EREG: variants seen among roughly 807,000 people sequenced by gnomAD.
The protein encoded by EREG is proepiregulin.
In EREG, 23 loss-of-function variants were observed where a neutral mutation model predicts 22.4. That is an observed-to-expected ratio of 1.03 (90% confidence interval 0.74 to 1.46). The LOEUF is 1.46. EREG is among the 40% of genes most tolerant of loss of function. EREG has a pLI of 0.00. For synonymous variants in EREG, 100 were observed against 75.4 expected, an observed-to-expected ratio of 1.33 and a Z score of -1.69; for missense variants, 226 against 205.9, an observed-to-expected ratio of 1.10 and a Z score of -0.60.
rs569471764 is a variant in EREG at position 74,388,571 on chromosome 4, G to T, written c.*3763G>T. The T allele has an allele frequency of 6.6e-6, 1 of 152,302 alleles. No individual in the cohort carries two copies. The highest frequency in any genetic ancestry group is 2.4e-5 in the African/African-American group (1 of 41,334). 9.4% of individuals were successfully genotyped at this position (152,302 alleles called of 1,614,324 possible). ...AACTTATTTGACTATGAATGTTATCGGATTACTGAATTGTATCAATTTGTT... is the reference window on the plus strand; with the variant it reads ...AACTTATTTGACTATGAATGTTATCTGATTACTGAATTGTATCAATTTGTT... On this transcript the variant is annotated 3_prime_UTR_variant, in exon 5 of 5. Transcript: ENST00000244869.
In EREG at chr4:74,385,658, T is replaced by C; in HGVS notation, c.*850T>C. The C allele has an allele frequency of 2.8e-6, 1 of 353,946 alleles. No individual in the cohort carries two copies. Among genetic ancestry groups the C allele is most frequent in the African/African-American group, 2.1e-5 (1 of 47,942 alleles). 21.9% of individuals were successfully genotyped at this position (353,946 alleles called of 1,614,324 possible). A position where few individuals can be genotyped will look rare whatever the true frequency, so the allele number is the denominator to read the frequency against. ...ACTTGAAGCCTAAATTTGTGCTTTT[T>C]AAGAATATTTTTAGACTATTTCTTT... On this transcript the variant is annotated 3_prime_UTR_variant, in exon 5 of 5. Coordinates refer to ENST00000244869, the MANE Select transcript of EREG (RefSeq NM_001432.3).
intron 1 of EREG, among the ~76,000 whole-genome samples, chr4:74,377,173 A>C (rs990092475): frequency 6.6e-6 from 1 of 150,788 alleles, no homozygotes; most frequent in Non-Finnish European, 1.5e-5. Context: ...AAAAAAAAAA[A>C]AACATTAGTT....
At chr4:74,367,945 G>T (rs556972185) in intron 1 of EREG, among the ~76,000 whole-genome samples, 1 of 152,296 alleles carries the variant, frequency 6.6e-6, no homozygotes, top group Admixed American at 6.5e-5. Flanking sequence ...TGTGTATTAG[G>T]TGCTTTAAAT....
At position 74,386,124 on chromosome 4, in the gene EREG, T is replaced by C; in HGVS notation, c.*1316T>C. 1 of 280,346 alleles carries C rather than the reference T, an allele frequency of 3.6e-6. No individual in the cohort carries two copies. Among genetic ancestry groups the C allele is most frequent in the Non-Finnish European group, 6.6e-6 (1 of 151,892 alleles). The allele number at this position is 280,346 out of a possible 1,614,324, so 17.4% of individuals were successfully genotyped here. A position where few individuals can be genotyped will look rare whatever the true frequency, so the allele number is the denominator to read the frequency against. Reference sequence around the variant, plus strand: ...TCTCAGAGAGTTAATAGGAGTATTTTTGGGCTATTGCATAAGGAGCCACTG... The same window carrying C: ...TCTCAGAGAGTTAATAGGAGTATTTCTGGGCTATTGCATAAGGAGCCACTG... On this transcript the variant is annotated 3_prime_UTR_variant, in exon 5 of 5. Coordinates refer to ENST00000244869, the MANE Select transcript of EREG (RefSeq NM_001432.3).
chr4:74,382,911 A>G (rs1390340428), intron 4 of EREG, 117 bp downstream of exon 4: 1 of 744,264 alleles, frequency 1.3e-6, no homozygotes, highest in African/African-American at 1.8e-5. Flanking sequence ...ACCTGTACAA[A>G]TGATATTTAC....
chr4:74,368,718 G>A (rs965022052), intron 1 of EREG, among the ~76,000 whole-genome samples: 8 of 152,192 alleles, frequency 5.3e-5, no homozygotes, highest in African/African-American at 1.9e-4. Flanking sequence ...AAATTAAGGT[G>A]GGGTTTCCTC....
In EREG at chr4:74,379,470, C is replaced by A; in HGVS notation, c.90C>A (p.Val30=). ...TAGGTTTCCATCTTCTACAGGCAGT[C>A]CTCAGTACAACTGTGATTCCATCAT... ...LCLGFHLLQA[V]LSTTVIPSCI... Residue 30 remains valine, a synonymous_variant, in exon 2 of 5, where the codon GTC becomes GTA. Transcript: ENST00000244869. 6.2e-7 allele frequency: 1 copy of A among 1,609,490 alleles called. No individual in the cohort carries two copies. The highest frequency in any genetic ancestry group is 1.3e-5 in the African/African-American group (1 of 74,940).
chr4:74,366,209 G>A (rs1404907695), intron 1 of EREG, among the ~76,000 whole-genome samples: 2 of 151,970 alleles, frequency 1.3e-5, no homozygotes, highest in Non-Finnish European at 2.9e-5. Flanking sequence ...TTAAACTTCA[G>A]TTTAAGGAAT....
chr4:74,380,007 G>A (rs1752447747), intron 2 of EREG, among the ~76,000 whole-genome samples: 1 of 152,138 alleles, frequency 6.6e-6, no homozygotes, highest in African/African-American at 2.4e-5. Flanking sequence ...CGAGTATGTA[G>A]TATGCACCAA....
intron 1 of EREG, among the ~76,000 whole-genome samples, chr4:74,368,617 T>C (rs757034089): frequency 1.5e-4 from 23 of 152,244 alleles, no homozygotes; most frequent in Admixed American, 3.3e-4. Context: ...ATGTTTTCTG[T>C]CTATTTTTGC....
intron 3 of EREG, 188 bp downstream of exon 3, chr4:74,381,325 C>T: frequency 2.0e-6 from 1 of 512,166 alleles, no homozygotes; most frequent in Non-Finnish European, 3.4e-6. Flanking sequence ...CCCCAAAACT[C>T]TTCTACCTTT....
intron 1 of EREG, 90 bp downstream of exon 1, chr4:74,365,465 T>C (rs901873121): frequency 8.2e-7 from 1 of 1,214,836 alleles, no homozygotes; most frequent in Non-Finnish European, 1.2e-6. Context: ...AAGTACGGAG[T>C]TGTCTCCAGG....
At position 74,385,741 on chromosome 4, in the gene EREG, A is replaced by T; in HGVS notation, c.*933A>T. On this transcript the variant is annotated 3_prime_UTR_variant, in exon 5 of 5. Transcript: ENST00000244869. ...TCACAGCCCAAAATTTGATGGACTA[A>T]TTATTATTTTAAAATATATGAAGAC... 2.6e-6 allele frequency: 1 copy of T among 380,296 alleles called. No individual in the cohort carries two copies. The highest frequency in any genetic ancestry group is 4.7e-6 in the Non-Finnish European group (1 of 214,162). 23.6% of individuals were successfully genotyped at this position (380,296 alleles called of 1,614,324 possible).
chr4:74,373,327 CTT>C (rs1451064671), intron 1 of EREG, among the ~76,000 whole-genome samples: 1 of 151,944 alleles, frequency 6.6e-6, no homozygotes, highest in Non-Finnish European at 1.5e-5. Flanking sequence ...GAAAGTATAA[CTT>C]AATGCTTATG....
At position 74,381,147 on chromosome 4, in the gene EREG, C is replaced by A; in HGVS notation, c.278+10C>A. On this transcript the variant is annotated intron_variant, in intron 3 of 4. Transcript: ENST00000244869. ...GTCAAAACTACTGCAGGTAATATGTCAGAAATAAACAAACACAGTTTGTAA... is the reference window on the plus strand; with the variant it reads ...GTCAAAACTACTGCAGGTAATATGTAAGAAATAAACAAACACAGTTTGTAA... 1 of 1,603,802 alleles carries A rather than the reference C, an allele frequency of 6.2e-7. No homozygotes were observed. The highest frequency in any genetic ancestry group is 1.1e-5 in the South Asian group (1 of 88,612).
intron 3 of EREG, chr4:74,381,407 A>G (rs997829835): frequency 1.6e-5 from 4 of 245,160 alleles, no homozygotes; most frequent in Non-Finnish European, 2.3e-5. Context: ...CACTTGTGAG[A>G]ACATGTGATA....
chr4:74,376,145 A>T (rs868056251), intron 1 of EREG, among the ~76,000 whole-genome samples: 1 of 152,214 alleles, frequency 6.6e-6, no homozygotes, highest in Non-Finnish European at 1.5e-5. Context: ...AAAAACCTTT[A>T]AAAAAGAAGA....
chr4:74,366,326 C>G (rs761259201), intron 1 of EREG, among the ~76,000 whole-genome samples: 3 of 152,176 alleles, frequency 2.0e-5, no homozygotes, highest in African/African-American at 4.8e-5. Flanking sequence ...CCCAGACACT[C>G]TAACTCTACC....
Position 74,388,578 on chromosome 4 carries a change from T to G in EREG, c.*3770T>G, listed in dbSNP as rs1330125650. 6.6e-6 allele frequency: 1 copy of G among 152,664 alleles called. No individual in the cohort carries two copies. Among genetic ancestry groups the G allele is most frequent in the African/African-American group, 2.4e-5 (1 of 41,464 alleles). The allele number at this position is 152,664 out of a possible 1,614,324, so 9.5% of individuals were successfully genotyped here. ...TTGACTATGAATGTTATCGGATTACTGAATTGTATCAATTTGTTTGTGTTC... is the reference window on the plus strand; with the variant it reads ...TTGACTATGAATGTTATCGGATTACGGAATTGTATCAATTTGTTTGTGTTC... On this transcript the variant is annotated 3_prime_UTR_variant, in exon 5 of 5. Transcript: ENST00000244869.
Sources: allele counts gnomAD v4.1 joint callset (sites outside exome capture counted in the v4.1 genomes callset), GRCh38; gene constraint gnomAD v4.1.1; transcripts MANE v1.5; gene names NCBI Gene and HGNC (gene_info 2026-07-23, HGNC 2026-07-21).